CDH11: variants seen among roughly 807,000 people sequenced by gnomAD.
CDH11 encodes cadherin 11.
Under a neutral mutation model 67.8 loss-of-function variants are expected in CDH11, and 11 were observed. The ratio of observed to expected loss-of-function variants is 0.16; its 90% confidence interval spans 0.10 to 0.27. The LOEUF is 0.27. Among genes scored for constraint, CDH11 ranks in the 10% least tolerant of loss-of-function variants. The pLI is 1.00. For synonymous variants in CDH11, 419 were observed against 400.0 expected, an observed-to-expected ratio of 1.05 and a Z score of -0.57; for missense variants, 847 against 1,031.2, an observed-to-expected ratio of 0.82 and a Z score of 2.45.
At chr16:65,022,838 C>T (rs900209166) in intron 2 of CDH11, among the ~76,000 whole-genome samples, 5 of 152,230 alleles carry the variant, frequency 3.3e-5, no homozygotes, top group East Asian at 1.9e-4. Context: ...CCCAGAGCAT[C>T]GGGGGGCAGC....
Position 64,955,132 on chromosome 16 carries a change from G to A in CDH11, c.1643-4114C>T, listed in dbSNP as rs183994944. 4.3e-4 allele frequency among the ~76,000 whole-genome samples: 66 copies of A among 152,134 alleles called. 1 individual carries two copies. In the East Asian group the frequency reaches 0.012, roughly 28 times the overall value. Reference sequence around the variant, plus strand: ...TTGGTGGTGGGTGCCTGTAATCCCAGCTACTCGGGAGGCTGAGGCAGGAGA... The same window carrying A: ...TTGGTGGTGGGTGCCTGTAATCCCAACTACTCGGGAGGCTGAGGCAGGAGA... On this transcript the variant is annotated intron_variant, in intron 11 of 12. Coordinates refer to ENST00000268603, the MANE Select transcript of CDH11 (RefSeq NM_001797.4).
In CDH11 at chr16:64,991,692, A is replaced by G. The variant is rs1294691641; in HGVS notation, c.811+76T>C. ...GATTTTCTTTTTGATACCTCAGTAAAGCAGGAATAGGTTAGAGGAGGGAGA... is the reference window on the plus strand; with the variant it reads ...GATTTTCTTTTTGATACCTCAGTAAGGCAGGAATAGGTTAGAGGAGGGAGA... On this transcript the variant is annotated intron_variant, in intron 6 of 12. Coordinates refer to ENST00000268603, the MANE Select transcript of CDH11 (RefSeq NM_001797.4). The G allele has an allele frequency of 1.2e-5, 13 of 1,065,144 alleles. No homozygotes were observed. The East Asian group carries it at 3.1e-4, about 26-fold the overall frequency. 66.0% of individuals were successfully genotyped at this position (1,065,144 alleles called of 1,614,324 possible).
intron 11 of CDH11, chr16:64,968,276 A>C (rs2071896622): frequency 3.8e-6 from 1 of 261,512 alleles, no homozygotes; most frequent in Non-Finnish European, 5.9e-6. Flanking sequence ...TAGGTGAAAC[A>C]ATGACATGAG....
At chr16:65,038,701 G>A (rs757953343) in intron 2 of CDH11, among the ~76,000 whole-genome samples, 5 of 152,156 alleles carry the variant, frequency 3.3e-5, no homozygotes, top group Admixed American at 6.5e-5. Flanking sequence ...GGTAGAGAAG[G>A]AGCCCAAAAT....
chr16:65,065,892 T>C (rs547027005), intron 1 of CDH11, among the ~76,000 whole-genome samples: 10 of 152,342 alleles, frequency 6.6e-5, no homozygotes, highest in African/African-American at 1.9e-4. Flanking sequence ...ATGTTCCAGA[T>C]ACTGTGCTAA....
At chr16:65,043,846 G>T (rs2073908540) in intron 2 of CDH11, among the ~76,000 whole-genome samples, 1 of 152,256 alleles carries the variant, frequency 6.6e-6, no homozygotes, top group Non-Finnish European at 1.5e-5. Flanking sequence ...GGGAGGGGAG[G>T]AGTAGAATCC....
At chr16:65,012,466 C>T (rs1230956268) in intron 2 of CDH11, among the ~76,000 whole-genome samples, 3 of 152,212 alleles carry the variant, frequency 2.0e-5, no homozygotes, top group Non-Finnish European at 2.9e-5. Flanking sequence ...TTACAAGGCA[C>T]TTGAGAAATG....
At chr16:65,056,088 C>A (rs2074137720) in intron 1 of CDH11, among the ~76,000 whole-genome samples, 1 of 152,214 alleles carries the variant, frequency 6.6e-6, no homozygotes, top group Admixed American at 6.5e-5. Flanking sequence ...ACCACCCAAT[C>A]TGTGATATTT....
At chr16:64,963,929 T>C (rs2142404063) in intron 11 of CDH11, among the ~76,000 whole-genome samples, 1 of 152,328 alleles carries the variant, frequency 6.6e-6, no homozygotes, top group Non-Finnish European at 1.5e-5. Flanking sequence ...TTGTTGCCAG[T>C]AGGCCTGCCT....
At chr16:65,017,376 G>T (rs914031805) in intron 2 of CDH11, among the ~76,000 whole-genome samples, 1 of 152,068 alleles carries the variant, frequency 6.6e-6, no homozygotes, top group Non-Finnish European at 1.5e-5. Flanking sequence ...ACTTCTTCAG[G>T]CTGAATAGAA....
chr16:65,052,917 T>C (rs914671228), intron 2 of CDH11, among the ~76,000 whole-genome samples: 3 of 151,912 alleles, frequency 2.0e-5, no homozygotes, highest in Non-Finnish European at 4.4e-5. Flanking sequence ...CTATTGGAGG[T>C]GAGGGGTTGA....
chr16:64,974,166 CT>C (rs1450480069), intron 8 of CDH11, among the ~76,000 whole-genome samples: 1 of 152,098 alleles, frequency 6.6e-6, no homozygotes, highest in Non-Finnish European at 1.5e-5. Flanking sequence ...AGGATACAGT[CT>C]TGTTTTAATG....
chr16:64,980,531 C>T (rs2072305203), intron 8 of CDH11, among the ~76,000 whole-genome samples: 1 of 152,110 alleles, frequency 6.6e-6, no homozygotes, highest in Admixed American at 6.5e-5. Flanking sequence ...AATGTGGTAA[C>T]TTGGAAAGGC....
chr16:65,078,070 C>A (rs1310494596), intron 1 of CDH11, among the ~76,000 whole-genome samples: 1 of 152,182 alleles, frequency 6.6e-6, no homozygotes, highest in African/African-American at 2.4e-5. Context: ...CCCTACTATG[C>A]CAAGGTACAT....
Position 65,019,910 on chromosome 16 carries a change from T to A in CDH11, c.-172-14869A>T, listed in dbSNP as rs191385735. 1.2e-4 allele frequency among the ~76,000 whole-genome samples: 18 copies of A among 152,128 alleles called. No homozygotes were observed. In the East Asian group the frequency reaches 3.5e-3, roughly 29 times the overall value. On this transcript the variant is annotated intron_variant, in intron 2 of 12. Coordinates refer to ENST00000268603, the MANE Select transcript of CDH11 (RefSeq NM_001797.4). ...CTAAACTAGGCCAAAAAAAAAAAAG[T>A]TTCCCATGCCTTATTATAATCTTTT... is the stretch of plus-strand genomic sequence containing the variant.
At chr16:65,030,926 T>TC (rs1008642719) in intron 2 of CDH11, among the ~76,000 whole-genome samples, 7 of 152,184 alleles carry the variant, frequency 4.6e-5, no homozygotes, top group Admixed American at 1.3e-4. Context: ...GATCTTTCAT[T>TC]CCCCCAGGAG....
At chr16:65,100,285 T>C (rs1399974820) in intron 1 of CDH11, among the ~76,000 whole-genome samples, 2 of 151,954 alleles carry the variant, frequency 1.3e-5, no homozygotes, top group Non-Finnish European at 2.9e-5. Flanking sequence ...AATACTGCCA[T>C]GAAATTTCAT....
intron 1 of CDH11, among the ~76,000 whole-genome samples, chr16:65,077,749 CA>C (rs2074538735): frequency 6.6e-6 from 1 of 152,196 alleles, no homozygotes; most frequent in South Asian, 2.1e-4. Flanking sequence ...TATCAAGTTT[CA>C]CAAATATTTG....
intron 2 of CDH11, among the ~76,000 whole-genome samples, chr16:65,023,700 G>A (rs1178853047): frequency 6.6e-6 from 1 of 152,174 alleles, no homozygotes; most frequent in Non-Finnish European, 1.5e-5. Context: ...ACCATATATG[G>A]TAGCTTTGGG....
Sources: allele counts gnomAD v4.1 joint callset (sites outside exome capture counted in the v4.1 genomes callset), GRCh38; gene constraint gnomAD v4.1.1; transcripts MANE v1.5; gene names NCBI Gene and HGNC (gene_info 2026-07-23, HGNC 2026-07-21).